The following PEA15 variants were observed in gnomAD, a reference collection of about 807,000 sequenced individuals.
PEA15 encodes astrocytic phosphoprotein PEA-15.
For missense variants in PEA15, 77 were observed against 161.3 expected, an observed-to-expected ratio of 0.48 and a Z score of 2.83; for synonymous variants, 60 against 61.8, an observed-to-expected ratio of 0.97 and a Z score of 0.13.
chr1:160,209,061 C>T (rs1654733276), intron 1 of PEA15, among the ~76,000 whole-genome samples: 1 of 152,156 alleles, frequency 6.6e-6, no homozygotes, highest in Non-Finnish European at 1.5e-5. Context: ...TCTGTAGGCT[C>T]CCCTCACCCC....
rs1654695824 is a variant in PEA15 at position 160,208,395 on chromosome 1, G to A, written c.-3+2873G>A. 3 of 571,546 alleles carry A rather than the reference G, an allele frequency of 5.2e-6. No individual in the cohort carries two copies. The highest frequency in any genetic ancestry group is 3.1e-6 in the Non-Finnish European group (1 of 319,876). 35.4% of individuals were successfully genotyped at this position (571,546 alleles called of 1,614,324 possible). A position where few individuals can be genotyped will look rare whatever the true frequency, so the allele number is the denominator to read the frequency against. On this transcript the variant is annotated intron_variant, in intron 1 of 3. Coordinates refer to ENST00000360472, the MANE Select transcript of PEA15 (RefSeq NM_003768.5). This position sits in a 1 kb window ranked among gnomAD's most constrained non-coding sequence, Gnocchi z 4.1. ...TGAGCCTAGCACAGAAAGCTGGGAG[G>A]GAAGAGGACTGACTTCCTGGCAGCC...
intron 1 of PEA15, 133 bp from the exon 2 acceptor site, chr1:160,211,410 C>T: frequency 2.2e-6 from 3 of 1,338,016 alleles, no homozygotes; most frequent in Non-Finnish European, 3.0e-6. Context: ...CCAGCCCTAG[C>T]CACCTCCAGC....
At chr1:160,210,223 C>T (rs1231358157) in intron 1 of PEA15, among the ~76,000 whole-genome samples, 1 of 152,238 alleles carries the variant, frequency 6.6e-6, no homozygotes, top group African/African-American at 2.4e-5. Context: ...TTTGATCTGC[C>T]ACATTCCCAG....
In PEA15 at chr1:160,208,914, G is replaced by A; in HGVS notation, c.-2-2629G>A. The A allele has an allele frequency of 1.9e-6, 1 of 517,354 alleles. No individual in the cohort carries two copies. Among genetic ancestry groups the A allele is most frequent in the Non-Finnish European group, 3.5e-6 (1 of 287,322 alleles). The allele number at this position is 517,354 out of a possible 1,614,324, so 32.0% of individuals were successfully genotyped here. A position where few individuals can be genotyped will look rare whatever the true frequency, so the allele number is the denominator to read the frequency against. The stretch of plus-strand genomic sequence containing the variant: ...GGGGTGGGGGGCACCCAGAACTGAG[G>A]TTGCTATAGTAACAGATGAGATGAG... On this transcript the variant is annotated intron_variant, in intron 1 of 3. Transcript: ENST00000360472. The surrounding 1 kb of genome is among the most constrained non-coding windows in gnomAD (Gnocchi z 4.1).
In PEA15 at chr1:160,213,193, G is replaced by A; in HGVS notation, c.256G>A (p.Val86Met). ...LTMVVDYRTR[V>M]LKISEEDELD... The stretch of plus-strand genomic sequence containing the variant: ...TATGGTGGTTGACTACAGAACCCGT[G>A]TGCTGAAGATCTCTGAGGAGGATGA... Residue 86 changes from valine (V) to methionine (M), a missense_variant, in exon 3 of 4, where the codon GTG becomes ATG. Physicochemically the swap from Val to Met is conservative, Grantham distance 21 (BLOSUM62 1). Transcript: ENST00000360472. The surrounding 1 kb of genome is among the most constrained non-coding windows in gnomAD (Gnocchi z 5.3). The A allele has an allele frequency of 6.2e-7, 1 of 1,614,164 alleles. No individual in the cohort carries two copies.
At chr1:160,211,788 C>A in intron 2 of PEA15, 72 bp downstream of exon 2, 2 of 1,459,696 alleles carry the variant, frequency 1.4e-6, no homozygotes, top group South Asian at 1.3e-5. Context: ...TAGAGATGAG[C>A]TCAAAGCTTT....
intron 2 of PEA15, among the ~76,000 whole-genome samples, chr1:160,212,437 G>A (rs999709846): frequency 9.9e-5 from 15 of 152,124 alleles, no homozygotes; most frequent in Admixed American, 8.5e-4. Flanking sequence ...GATAGGTGAG[G>A]TGAGTGAACT....
chr1:160,206,817 G>A (rs868205577), intron 1 of PEA15, among the ~76,000 whole-genome samples: 2 of 152,160 alleles, frequency 1.3e-5, no homozygotes, highest in Non-Finnish European at 2.9e-5. Flanking sequence ...AAAGTGGTAC[G>A]TGTGTCTGGG....
chr1:160,208,820 T>G lies in PEA15; in HGVS notation c.-2-2723T>G. On this transcript the variant is annotated intron_variant, in intron 1 of 3. Coordinates refer to ENST00000360472, the MANE Select transcript of PEA15 (RefSeq NM_003768.5). This position sits in a 1 kb window ranked among gnomAD's most constrained non-coding sequence, Gnocchi z 4.1. ...GTACCGTCAGGGGGCCTTATTCCTA[T>G]CCTTTCTGTCCCTTCTTACTCACCA... is the stretch of plus-strand genomic sequence containing the variant. The G allele has an allele frequency of 3.2e-6, 2 of 621,520 alleles. No homozygotes were observed. The highest frequency in any genetic ancestry group is 2.9e-6 in the Non-Finnish European group (1 of 350,702). 38.5% of individuals were successfully genotyped at this position (621,520 alleles called of 1,614,324 possible). A position where few individuals can be genotyped will look rare whatever the true frequency, so the allele number is the denominator to read the frequency against.
At position 160,208,311 on chromosome 1, in the gene PEA15, G is replaced by A; in HGVS notation, c.-3+2789G>A. 2.3e-6 allele frequency: 1 copy of A among 437,696 alleles called. No homozygotes were observed. Among genetic ancestry groups the A allele is most frequent in the Non-Finnish European group, 4.2e-6 (1 of 236,494 alleles). 27.1% of individuals were successfully genotyped at this position (437,696 alleles called of 1,614,324 possible). A position where few individuals can be genotyped will look rare whatever the true frequency, so the allele number is the denominator to read the frequency against. ...TTGGTTTGACCTTTGTCAGGGCTGTGCCTGGGGCCAGCTTGGAAGGAGAGG... is the reference window on the plus strand; with the variant it reads ...TTGGTTTGACCTTTGTCAGGGCTGTACCTGGGGCCAGCTTGGAAGGAGAGG... On this transcript the variant is annotated intron_variant, in intron 1 of 3. Coordinates refer to ENST00000360472, the MANE Select transcript of PEA15 (RefSeq NM_003768.5). The surrounding 1 kb of genome is among the most constrained non-coding windows in gnomAD (Gnocchi z 4.1).
In PEA15 at chr1:160,211,689, C is replaced by T. The variant is rs1203539711; in HGVS notation, c.145C>T (p.Leu49=). 2 of 1,613,820 alleles carry T rather than the reference C, an allele frequency of 1.2e-6. No individual in the cohort carries two copies. The highest frequency in any genetic ancestry group is 2.2e-5 in the East Asian group (1 of 44,868). The stretch of plus-strand genomic sequence containing the variant: ...TACTGGCAGTGCCTGGTTTAGCTTC[C>T]TGGAGAGCCACAACAAGCTGGACAA... ...ITTGSAWFSF[L]ESHNKLDKDN... Residue 49 remains leucine (L), a synonymous_variant, in exon 2 of 4, where the codon CTG becomes TTG. Coordinates refer to ENST00000360472, the MANE Select transcript of PEA15 (RefSeq NM_003768.5).
At chr1:160,209,780 C>A (rs1349781727) in intron 1 of PEA15, among the ~76,000 whole-genome samples, 2 of 152,202 alleles carry the variant, frequency 1.3e-5, no homozygotes. Context: ...CATCATCCCC[C>A]TCACCCGTAC....
rs1290335674 is a variant in PEA15 at position 160,208,390 on chromosome 1, G to A, written c.-3+2868G>A. 1 of 570,708 alleles carries A rather than the reference G, an allele frequency of 1.8e-6. No homozygotes were observed. Among genetic ancestry groups the A allele is most frequent in the Non-Finnish European group, 3.1e-6 (1 of 319,272 alleles). The allele number at this position is 570,708 out of a possible 1,614,324, so 35.4% of individuals were successfully genotyped here. A position where few individuals can be genotyped will look rare whatever the true frequency, so the allele number is the denominator to read the frequency against. On this transcript the variant is annotated intron_variant, in intron 1 of 3. Coordinates refer to ENST00000360472, the MANE Select transcript of PEA15 (RefSeq NM_003768.5). This position sits in a 1 kb window ranked among gnomAD's most constrained non-coding sequence, Gnocchi z 4.1. ...AGCGGTGAGCCTAGCACAGAAAGCT[G>A]GGAGGGAAGAGGACTGACTTCCTGG...
At position 160,213,804 on chromosome 1, in the gene PEA15, A is replaced by C; in HGVS notation, c.*318A>C. 6 of 314,506 alleles carry C rather than the reference A, an allele frequency of 1.9e-5. No individual in the cohort carries two copies. The highest frequency in any genetic ancestry group is 3.7e-5 in the South Asian group (1 of 26,800). 19.5% of individuals were successfully genotyped at this position (314,506 alleles called of 1,614,324 possible). On this transcript the variant is annotated 3_prime_UTR_variant, in exon 4 of 4. Coordinates refer to ENST00000360472, the MANE Select transcript of PEA15 (RefSeq NM_003768.5). This position sits in a 1 kb window ranked among gnomAD's most constrained non-coding sequence, Gnocchi z 5.3. ...CATTCCTCCTACTTCCCTTTCCTCC[A>C]CTCCCCCCATATCTTTAAAGTGTGG... is the stretch of plus-strand genomic sequence containing the variant.
At chr1:160,211,300 G>T in intron 1 of PEA15, 1 of 1,194,294 alleles carries the variant, frequency 8.4e-7, no homozygotes, top group Non-Finnish European at 1.0e-6. Flanking sequence ...AGAAAAAGAT[G>T]GTGGGGGGAA....
intron 1 of PEA15, among the ~76,000 whole-genome samples, chr1:160,211,016 C>T (rs987485495): frequency 6.6e-6 from 1 of 152,168 alleles, no homozygotes; most frequent in South Asian, 2.1e-4. Context: ...TGAGGGACCC[C>T]TTTGCCTTTG....
chr1:160,206,739 CAG>C (rs1168971429), intron 1 of PEA15, among the ~76,000 whole-genome samples: 1 of 152,080 alleles, frequency 6.6e-6, no homozygotes, highest in African/African-American at 2.4e-5. Flanking sequence ...GAAGTGCAAA[CAG>C]TGTTTGAGAG....
intron 1 of PEA15, among the ~76,000 whole-genome samples, chr1:160,210,661 G>A (rs140958790): frequency 4.6e-5 from 7 of 152,102 alleles, no homozygotes; most frequent in Admixed American, 2.6e-4. Context: ...AGAAGGGGGG[G>A]CAGTCCCCTT....
At chr1:160,212,650 A>AC in intron 2 of PEA15, among the ~76,000 whole-genome samples, 1 of 152,150 alleles carries the variant, frequency 6.6e-6, no homozygotes, top group Admixed American at 6.5e-5. Flanking sequence ...TCTCTCATTT[A>AC]GAATAACCTT....
Sources: gnomAD v4.1 joint callset for allele counts (sites outside exome capture counted in the v4.1 genomes callset) on GRCh38, gnomAD v4.1.1 for gene constraint, Gnocchi (gnomAD v3.1) non-coding constraint, MANE v1.5 for transcripts, NCBI Gene and HGNC (gene_info 2026-07-23, HGNC 2026-07-21) for gene names.